Variants in SLC6A2 observed in about 807,000 individuals in gnomAD.
The protein encoded by SLC6A2 is sodium-dependent noradrenaline transporter.
A neutral mutation model predicts 71.7 loss-of-function variants in SLC6A2; 26 were observed. That is an observed-to-expected ratio of 0.36 (90% CI 0.27 to 0.50). The LOEUF (loss-of-function observed/expected upper bound fraction) is 0.50. SLC6A2 is among the 20% of genes least tolerant of loss of function. The pLI is 0.96. For synonymous variants in SLC6A2, 363 were observed against 337.9 expected (o/e 1.07, Z -0.82); for missense variants, 581 against 803.9 (o/e 0.72, Z 3.35).
chr16:55,672,082 A>G lies in SLC6A2; in HGVS notation c.551A>G (p.Asn184Ser), dbSNP rs756987174. 13 of 1,613,980 alleles carry G rather than the reference A, an allele frequency of 8.1e-6. No homozygotes were observed. The highest frequency in any genetic ancestry group is 3.3e-4 in the Middle Eastern group (2 of 6,084). Residue 184 changes from asparagine (N) to serine (S), a missense_variant, in exon 4 of 15, where the codon AAC becomes AGC. Physicochemically the swap from Asn to Ser is conservative, Grantham distance 46. This residue lies in a region of SLC6A2 where 87 missense variants were observed against 99.5 expected (regional missense o/e 0.87). Coordinates refer to ENST00000568943, the MANE Select transcript of SLC6A2 (RefSeq NM_001172501.3). Reference sequence around the variant, plus strand: ...TGTGGCCACACCTGGAACAGCCCCAACTGTACCGACCCCAAGCTCCTCAAT... The same window carrying G: ...TGTGGCCACACCTGGAACAGCCCCAGCTGTACCGACCCCAAGCTCCTCAAT... ...TDCGHTWNSP[N>S]CTDPKLLNGS...
chr16:55,701,957 G>T lies in SLC6A2; in HGVS notation c.1830+23G>T, dbSNP rs1290491952. 1.9e-6 allele frequency: 3 copies of T among 1,585,118 alleles called. No individual in the cohort carries two copies. In the East Asian group the frequency reaches 6.7e-5, roughly 35 times the overall value. On this transcript the variant is annotated intron_variant, in intron 14 of 14. Coordinates refer to ENST00000568943, the MANE Select transcript of SLC6A2 (RefSeq NM_001172501.3). ...CAGGTGGGTGAAGCCTAGACCCCTGGGGTGGAGATTACAAGGGCGGGCCCT... is the reference window on the plus strand; with the variant it reads ...CAGGTGGGTGAAGCCTAGACCCCTGTGGTGGAGATTACAAGGGCGGGCCCT...
At chr16:55,668,998 G>A (rs1333566489) in intron 2 of SLC6A2, among the ~76,000 whole-genome samples, 1 of 152,174 alleles carries the variant, frequency 6.6e-6, no homozygotes, top group Non-Finnish European at 1.5e-5. Context: ...TATGTTTGCA[G>A]GCTGTTGTGA....
At chr16:55,689,478 G>A (rs1465187254) in intron 5 of SLC6A2, among the ~76,000 whole-genome samples, 2 of 152,218 alleles carry the variant, frequency 1.3e-5, no homozygotes, top group East Asian at 3.8e-4. Context: ...AGGCCCCATG[G>A]GAGATTCCCT....
chr16:55,679,792 G>T (rs540570574), intron 4 of SLC6A2, among the ~76,000 whole-genome samples: 1 of 152,318 alleles, frequency 6.6e-6, no homozygotes, highest in Admixed American at 6.5e-5. Flanking sequence ...GAAAGGCAGG[G>T]TGTGGCAAGG....
chr16:55,675,797 A>G (rs544514126), intron 4 of SLC6A2, among the ~76,000 whole-genome samples: 108 of 152,200 alleles, frequency 7.1e-4, no homozygotes, highest in Middle Eastern at 6.8e-3. Flanking sequence ...AAACATATTC[A>G]CAAACAACAA....
chr16:55,656,552 T>C lies in SLC6A2; in HGVS notation c.-51-92T>C. The stretch of plus-strand genomic sequence containing the variant: ...CCTGCGTCCGCTCAGCGCGCGCTCA[T>C]CCCAGTGTCTAAGGCGCTCCCGGGT... On this transcript the variant is annotated intron_variant, in intron 1 of 14. Transcript: ENST00000568943. This position sits in a 1 kb window ranked among gnomAD's most constrained non-coding sequence, Gnocchi z 4.5. The C allele has an allele frequency of 9.7e-7, 1 of 1,027,630 alleles. No homozygotes were observed. The highest frequency in any genetic ancestry group is 1.3e-5 in the South Asian group (1 of 76,694). The allele number at this position is 1,027,630 out of a possible 1,614,324, so 63.7% of individuals were successfully genotyped here. A position where few individuals can be genotyped will look rare whatever the true frequency, so the allele number is the denominator to read the frequency against.
chr16:55,698,384 G>A, intron 10 of SLC6A2, 85 bp from the exon 11 acceptor site: 2 of 952,002 alleles, frequency 2.1e-6, no homozygotes, highest in Non-Finnish European at 3.4e-6. Flanking sequence ...GTGGGACAGG[G>A]GGCAGGTAAG....
chr16:55,679,899 C>T (rs1171558037), intron 4 of SLC6A2, among the ~76,000 whole-genome samples: 1 of 152,144 alleles, frequency 6.6e-6, no homozygotes, highest in Non-Finnish European at 1.5e-5. Flanking sequence ...TCGACTTTTT[C>T]GGTTGGATGA....
At position 55,688,985 on chromosome 16, in the gene SLC6A2, G is replaced by A. The variant is rs116487550; in HGVS notation, c.784-2933G>A. 5.1e-3 allele frequency among the ~76,000 whole-genome samples: 777 copies of A among 152,298 alleles called. 8 individuals are homozygous for A. The highest frequency in any genetic ancestry group is 0.018 in the African/African-American group (733 of 41,560). On this transcript the variant is annotated intron_variant, in intron 5 of 14. Transcript: ENST00000568943. The stretch of plus-strand genomic sequence containing the variant: ...AGGTATGGATTTAAAGTGATAGAAA[G>A]CAGTGACCTCCCTTAGGGACTAAGG...
At position 55,656,898 on chromosome 16, in the gene SLC6A2, C is replaced by T; in HGVS notation, c.204C>T (p.Ser68=). The T allele has an allele frequency of 1.2e-6, 2 of 1,614,066 alleles. No individual in the cohort carries two copies. The highest frequency in any genetic ancestry group is 1.7e-6 in the Non-Finnish European group (2 of 1,179,966). The change falls in exon 2 of 15, where the codon TCC becomes TCT. Residue 68 remains serine, a synonymous_variant. Transcript: ENST00000568943. This position sits in a 1 kb window ranked among gnomAD's most constrained non-coding sequence, Gnocchi z 4.5. ...GCAAGAAGATCGACTTCCTGCTGTC[C>T]GTAGTCGGCTTCGCAGTGGACCTGG... ...TWGKKIDFLL[S]VVGFAVDLAN...
intron 3 of SLC6A2, 187 bp from the exon 4 acceptor site, chr16:55,671,751 C>T (rs1442258764): frequency 7.6e-7 from 1 of 1,319,806 alleles, no homozygotes; most frequent in Admixed American, 2.7e-5. Context: ...CTACCCCCAC[C>T]CCAAAATCTG....
chr16:55,704,221 C>T lies in SLC6A2; in HGVS notation c.*1875C>T, dbSNP rs1966054081. The T allele has an allele frequency of 6.6e-6, 1 of 152,070 alleles. No individual in the cohort carries two copies. The highest frequency in any genetic ancestry group is 2.4e-5 in the African/African-American group (1 of 41,374). 9.4% of individuals were successfully genotyped at this position (152,070 alleles called of 1,614,324 possible). On this transcript the variant is annotated 3_prime_UTR_variant, in exon 15 of 15. Coordinates refer to ENST00000568943, the MANE Select transcript of SLC6A2 (RefSeq NM_001172501.3). The stretch of plus-strand genomic sequence containing the variant: ...AATAAAGCACTTTAATGCACATTAC[C>T]TGCCATCTGCCCAGTGAGGACTGCA...
At chr16:55,661,021 G>T (rs1238634964) in intron 2 of SLC6A2, among the ~76,000 whole-genome samples, 1 of 152,184 alleles carries the variant, frequency 6.6e-6, no homozygotes, top group Admixed American at 6.5e-5. Flanking sequence ...CTCTGGGAGG[G>T]GAAAGCCACT....
In SLC6A2 at chr16:55,697,958, A is replaced by G. The variant is rs773057391; in HGVS notation, c.1322A>G (p.His441Arg). Reference protein sequence around the residue: ...LADDFQVLKRHRKLFTFGVTF... With the variant: ...LADDFQVLKRRRKLFTFGVTF... ...GATGACTTCCAGGTCCTGAAGCGAC[A>G]CCGGAAACTCTTCACATTTGGCGTC... is the stretch of plus-strand genomic sequence containing the variant. Residue 441 changes from histidine (H) to arginine (R), a missense_variant, in exon 10 of 15, where the codon CAC becomes CGC. His to Arg is a conservative substitution (Grantham distance 29, BLOSUM62 0). This residue lies in a region of SLC6A2 where 334 missense variants were observed against 449.0 expected (regional missense o/e 0.74). Transcript: ENST00000568943. 5 of 1,613,988 alleles carry G rather than the reference A, an allele frequency of 3.1e-6. No homozygotes were observed. Among genetic ancestry groups the G allele is most frequent in the South Asian group, 1.1e-5 (1 of 91,068 alleles).
chr16:55,688,086 T>G (rs1287991586), intron 5 of SLC6A2, among the ~76,000 whole-genome samples: 1 of 152,184 alleles, frequency 6.6e-6, no homozygotes, highest in African/African-American at 2.4e-5. Flanking sequence ...GAGAGGAGAT[T>G]TTTAGAATGG....
chr16:55,699,419 GAGTCTCCCT>G, intron 11 of SLC6A2, 126 bp from the exon 12 acceptor site: 1 of 731,986 alleles, frequency 1.4e-6, no homozygotes, highest in South Asian at 1.5e-5. Flanking sequence ...GCCCATCCCC[GAGTCTCCCT>G]AGTTCCAGGG....
chr16:55,682,533 A>T (rs1262002265), intron 4 of SLC6A2, among the ~76,000 whole-genome samples: 1 of 152,202 alleles, frequency 6.6e-6, no homozygotes, highest in East Asian at 1.9e-4. Flanking sequence ...ATGATCTCTC[A>T]TGAGCTAACA....
At position 55,669,707 on chromosome 16, in the gene SLC6A2, G is replaced by T. The variant is rs768616910; in HGVS notation, c.406+11G>T. ...GCCCATTCTTCAAAGGTAAAGAAGG[G>T]GTGGGAGAAAGTCACGGTTGTTCAT... On this transcript the variant is annotated intron_variant, in intron 3 of 14. Coordinates refer to ENST00000568943, the MANE Select transcript of SLC6A2 (RefSeq NM_001172501.3). The T allele has an allele frequency of 3.7e-6, 6 of 1,613,988 alleles. No individual in the cohort carries two copies. The highest frequency in any genetic ancestry group is 3.3e-5 in the Admixed American group (2 of 60,000).
At position 55,656,899 on chromosome 16, in the gene SLC6A2, G is replaced by A. The variant is rs1805064; in HGVS notation, c.205G>A (p.Val69Ile). Residue 69 changes from valine to isoleucine, a missense_variant, in exon 2 of 15, where the codon GTA (valine) becomes ATA (isoleucine). Physicochemically the swap from Val to Ile is conservative, Grantham distance 29 (BLOSUM62 3). Transcript: ENST00000568943. The surrounding 1 kb of genome is among the most constrained non-coding windows in gnomAD (Gnocchi z 4.5). ...CAAGAAGATCGACTTCCTGCTGTCC[G>A]TAGTCGGCTTCGCAGTGGACCTGGC... ...WGKKIDFLLSVVGFAVDLANV... is the reference protein window; with the variant it reads ...WGKKIDFLLSIVGFAVDLANV... The A allele has an allele frequency of 6.6e-4, 1,062 of 1,614,050 alleles. No homozygotes were observed. The highest frequency in any genetic ancestry group is 7.9e-4 in the Non-Finnish European group (928 of 1,179,964).
Sources: gnomAD v4.1 joint callset for allele counts (sites outside exome capture counted in the v4.1 genomes callset) on GRCh38, gnomAD v4.1.1 for gene constraint, gnomAD v4.1.1 regional missense constraint, Gnocchi (gnomAD v3.1) non-coding constraint, MANE v1.5 for transcripts, NCBI Gene and HGNC (gene_info 2026-07-23, HGNC 2026-07-21) for gene names.